MAPKBP1: variants seen among roughly 807,000 people sequenced by gnomAD.
The protein encoded by MAPKBP1 is mitogen-activated protein kinase-binding protein 1.
A neutral mutation model predicts 170.5 loss-of-function variants in MAPKBP1; 71 were observed. That is an observed-to-expected ratio of 0.42 (90% CI 0.34 to 0.51). The LOEUF (loss-of-function observed/expected upper bound fraction) is 0.51. Ranked by LOEUF, MAPKBP1 falls within the 20% of genes least tolerant of loss-of-function variation. The pLI is 0.06. For synonymous variants in MAPKBP1, 719 were observed against 757.9 expected (o/e 0.95, Z 0.84); for missense variants, 1,598 against 1,933.0 (o/e 0.83, Z 3.25).
In MAPKBP1 at chr15:41,775,392, G is replaced by T. The variant is rs753166198; in HGVS notation, c.114+3G>T. ...GACGAGAGGACCTCAGCTCCAAGGT[G>T]AGTCCTGTTGGGATCCACCTCTTTC... On this transcript the variant is annotated splice_donor_region_variant and intron_variant, in intron 2 of 30. Coordinates refer to ENST00000457542, the MANE Select transcript of MAPKBP1 (RefSeq NM_014994.3). 1.2e-6 allele frequency: 2 copies of T among 1,609,806 alleles called. No individual in the cohort carries two copies. Among genetic ancestry groups the T allele is most frequent in the Non-Finnish European group, 8.5e-7 (1 of 1,176,020 alleles).
Position 41,826,419 on chromosome 15 carries a change from C to T in MAPKBP1, c.*983C>T, listed in dbSNP as rs917828624. The stretch of plus-strand genomic sequence containing the variant: ...ATGTACACACACACACCTACCTGCA[C>T]AGCACGCTGTTGAGTGTTGGTTGCT... On this transcript the variant is annotated 3_prime_UTR_variant, in exon 31 of 31. Coordinates refer to ENST00000457542, the MANE Select transcript of MAPKBP1 (RefSeq NM_014994.3). The T allele has an allele frequency of 6.6e-6, 1 of 152,324 alleles. No homozygotes were observed. 9.4% of individuals were successfully genotyped at this position (152,324 alleles called of 1,614,324 possible).
intron 20 of MAPKBP1, 95 bp downstream of exon 20, chr15:41,819,052 C>T: frequency 1.9e-6 from 3 of 1,557,002 alleles, no homozygotes; most frequent in Non-Finnish European, 2.6e-6. Context: ...TGCCATTCAG[C>T]AACTCTGTCT....
intron 3 of MAPKBP1, among the ~76,000 whole-genome samples, chr15:41,802,130 A>G (rs1173157813): frequency 6.6e-6 from 1 of 152,160 alleles, no homozygotes; most frequent in East Asian, 1.9e-4. Context: ...GTATATTTAA[A>G]CATAGAAAAA....
At chr15:41,781,192 C>T (rs1035655778) in intron 2 of MAPKBP1, among the ~76,000 whole-genome samples, 1 of 151,942 alleles carries the variant, frequency 6.6e-6, no homozygotes, top group Non-Finnish European at 1.5e-5. Flanking sequence ...TCTCTTGCCT[C>T]AGCCTCCCGA....
chr15:41,812,872 G>A (rs750118401), intron 7 of MAPKBP1, 47 bp from the exon 8 acceptor site: 20 of 1,545,084 alleles, frequency 1.3e-5, no homozygotes, highest in Admixed American at 2.0e-5. Flanking sequence ...GTTTCCAGGG[G>A]CAGGCTCTGG....
intron 2 of MAPKBP1, among the ~76,000 whole-genome samples, chr15:41,788,433 T>C (rs899992066): frequency 3.3e-5 from 5 of 152,180 alleles, no homozygotes; most frequent in Admixed American, 3.3e-4. Context: ...ATAGAAGTTC[T>C]TTACAAGGTT....
At chr15:41,824,260 C>G (rs2152085237) in intron 29 of MAPKBP1, among the ~76,000 whole-genome samples, 199 bp downstream of exon 29, 1 of 152,358 alleles carries the variant, frequency 6.6e-6, no homozygotes, top group East Asian at 1.9e-4. Flanking sequence ...TTGTGACTCA[C>G]TTGCCCATTC....
chr15:41,823,459 C>A lies in MAPKBP1; in HGVS notation c.3611C>A (p.Ala1204Asp). 1 of 1,611,376 alleles carries A rather than the reference C, an allele frequency of 6.2e-7. No homozygotes were observed. The highest frequency in any genetic ancestry group is 1.3e-5 in the African/African-American group (1 of 74,966). Residue 1204 changes from alanine (A) to aspartate (D), a missense_variant, in exon 29 of 31, where the codon GCC becomes GAC. Around this residue, in one of 6 missense-constraint regions of MAPKBP1, gnomAD observed 942 missense variants for 953.2 expected, o/e 0.99. Coordinates refer to ENST00000457542, the MANE Select transcript of MAPKBP1 (RefSeq NM_014994.3). ...HSLVPQERHE[A>D]SLQAPSPGAL... is the part of the protein sequence containing the mutation. Reference sequence around the variant, plus strand: ...GTCTCCTTTGCAGAAAGACATGAGGCCAGTCTGCAGGCCCCTTCACCAGGC... The same window carrying A: ...GTCTCCTTTGCAGAAAGACATGAGGACAGTCTGCAGGCCCCTTCACCAGGC...
At chr15:41,819,546 G>GCA in intron 21 of MAPKBP1, 49 bp from the exon 22 acceptor site, 1 of 1,501,110 alleles carries the variant, frequency 6.7e-7, no homozygotes, top group African/African-American at 1.7e-5. Flanking sequence ...GGGTTGGGTG[G>GCA]CGGGGGGGGG....
intron 2 of MAPKBP1, among the ~76,000 whole-genome samples, chr15:41,794,998 C>G (rs1480712015): frequency 6.6e-6 from 1 of 151,900 alleles, no homozygotes. Flanking sequence ...AACCCTGTCT[C>G]TACCAAAAAT....
intron 3 of MAPKBP1, among the ~76,000 whole-genome samples, chr15:41,802,620 C>T (rs2064616583): frequency 6.6e-6 from 1 of 152,118 alleles, no homozygotes; most frequent in Admixed American, 6.6e-5. Flanking sequence ...ATTACAGGCT[C>T]CTGCCACCAC....
chr15:41,811,817 A>G (rs1362669064), intron 5 of MAPKBP1, 140 bp from the exon 6 acceptor site: 5 of 816,362 alleles, frequency 6.1e-6, no homozygotes, highest in African/African-American at 3.4e-5. Flanking sequence ...TATTTCCTCT[A>G]TACCCTGCCC....
At chr15:41,820,450 G>A (rs569964365) in intron 22 of MAPKBP1, among the ~76,000 whole-genome samples, 1 of 152,282 alleles carries the variant, frequency 6.6e-6, no homozygotes, top group South Asian at 2.1e-4. Context: ...GTAAGTGGTT[G>A]CTGCTGGGGC....
intron 2 of MAPKBP1, among the ~76,000 whole-genome samples, chr15:41,779,220 AT>A (rs1451388883): frequency 6.6e-6 from 1 of 151,754 alleles, no homozygotes; most frequent in Admixed American, 6.6e-5. Flanking sequence ...AAACATACTC[AT>A]TTTTTTCGAG....
intron 3 of MAPKBP1, among the ~76,000 whole-genome samples, chr15:41,808,108 T>TCC (rs199869326): frequency 1.0e-5 from 1 of 95,556 alleles, no homozygotes; most frequent in African/African-American, 4.3e-5. Flanking sequence ...TTTCTTTCTT[T>TCC]TTTTTTTTTT....
At chr15:41,787,349 C>CTTTTA (rs1355245995) in intron 2 of MAPKBP1, among the ~76,000 whole-genome samples, 6 of 118,046 alleles carry the variant, frequency 5.1e-5, no homozygotes, top group Admixed American at 3.8e-4. Context: ...AACATAGTCG[C>CTTTTA]TTTTATTTTA....
intron 2 of MAPKBP1, among the ~76,000 whole-genome samples, chr15:41,782,780 G>A (rs2064212750): frequency 6.6e-6 from 1 of 151,252 alleles, no homozygotes; most frequent in Admixed American, 6.6e-5. Flanking sequence ...AAAAGGGACA[G>A]TTCCCAAAGA....
intron 3 of MAPKBP1, among the ~76,000 whole-genome samples, chr15:41,809,848 G>A (rs986373780): frequency 6.6e-6 from 1 of 152,244 alleles, no homozygotes; most frequent in African/African-American, 2.4e-5. Flanking sequence ...TCTCTGTGAG[G>A]CAGGCAGAGT....
rs1249134497 is a variant in MAPKBP1, at chr15:41,817,194, G to A, written c.1711+159G>A. Among the ~76,000 whole-genome samples, 1 of 152,228 alleles carries A rather than the reference G, an allele frequency of 6.6e-6. No homozygotes were observed. Among genetic ancestry groups the A allele is most frequent in the African/African-American group, 2.4e-5 (1 of 41,450 alleles). On this transcript the variant is annotated intron_variant, in intron 14 of 30. Coordinates refer to ENST00000457542, the MANE Select transcript of MAPKBP1 (RefSeq NM_014994.3). The surrounding 1 kb of genome is among the most constrained non-coding windows in gnomAD (Gnocchi z 4.2). Reference sequence around the variant, plus strand: ...AAGATAGGTGGAACAGAGACTCTCAGTGCTGGGACTTGAGCCAACCAGGTT... The same window carrying A: ...AAGATAGGTGGAACAGAGACTCTCAATGCTGGGACTTGAGCCAACCAGGTT...
Sources: allele counts gnomAD v4.1 joint callset (sites outside exome capture counted in the v4.1 genomes callset), GRCh38; gene constraint gnomAD v4.1.1; regional missense constraint gnomAD v4.1.1; non-coding constraint Gnocchi (gnomAD v3.1); transcripts MANE v1.5; gene names NCBI Gene and HGNC (gene_info 2026-07-23, HGNC 2026-07-21).